TRIM6: variants seen among roughly 807,000 people sequenced by gnomAD.
The protein encoded by TRIM6 is tripartite motif-containing protein 6.
A neutral mutation model predicts 51.2 loss-of-function variants in TRIM6; 43 were observed. That is an observed-to-expected ratio of 0.84 (90% CI 0.66 to 1.08). The LOEUF is 1.08. Ranked by LOEUF, TRIM6 falls within the 50% of genes least tolerant of loss-of-function variation. The probability of loss-of-function intolerance (pLI) is 0.00; values close to 1 mark genes in which losing one functional copy is unlikely to be tolerated. For missense variants in TRIM6, 669 were observed against 619.0 expected (o/e 1.08, Z -0.86); for synonymous variants, 215 against 232.4 (o/e 0.93, Z 0.68).
Position 5,610,159 on chromosome 11 carries a change from C to T in TRIM6, c.872C>T (p.Thr291Ile). The T allele has an allele frequency of 6.2e-7, 1 of 1,614,050 alleles. No individual in the cohort carries two copies. The highest frequency in any genetic ancestry group is 8.5e-7 in the Non-Finnish European group (1 of 1,180,000). The change falls in exon 6 of 8, where the codon ACC (threonine) becomes ATC (isoleucine). Residue 291 changes from threonine to isoleucine, a missense_variant. Thr to Ile is a moderately conservative substitution (Grantham distance 89). Coordinates refer to ENST00000380097, the MANE Select transcript of TRIM6 (RefSeq NM_001003818.3). ...GTCCTTTCTAGGAGTGAGTTCTGGACCCTGAGGAAGCCAGAAGCTCTCCCT... is the reference window on the plus strand; with the variant it reads ...GTCCTTTCTAGGAGTGAGTTCTGGATCCTGAGGAAGCCAGAAGCTCTCCCT... Reference protein sequence around the residue: ...SDVTERSEFWTLRKPEALPTK... With the variant: ...SDVTERSEFWILRKPEALPTK...
Position 5,611,449 on chromosome 11 carries a change from T to G in TRIM6, c.*107T>G, listed in dbSNP as rs137855332. On this transcript the variant is annotated 3_prime_UTR_variant, in exon 8 of 8. Coordinates refer to ENST00000380097, the MANE Select transcript of TRIM6 (RefSeq NM_001003818.3). The stretch of plus-strand genomic sequence containing the variant: ...TCTGTGTTCTCAATTCTTTTGTTGT[T>G]TTTTGGTTTTTGAATCTTTTTTGAG... 3.9e-4 allele frequency: 422 copies of G among 1,080,962 alleles called. No homozygotes were observed. In the African/African-American group the frequency reaches 5.9e-3, roughly 15 times the overall value. 67.0% of individuals were successfully genotyped at this position (1,080,962 alleles called of 1,614,324 possible). A position where few individuals can be genotyped will look rare whatever the true frequency, so the allele number is the denominator to read the frequency against.
chr11:5,603,861 C>G, intron 2 of TRIM6, 126 bp downstream of exon 2: 1 of 1,443,806 alleles, frequency 6.9e-7, no homozygotes, highest in African/African-American at 1.4e-5. Context: ...TGGAAACTGC[C>G]TCCCTGATTA....
intron 1 of TRIM6, 145 bp from the exon 2 acceptor site, chr11:5,603,101 G>C (rs996856945): frequency 5.1e-6 from 7 of 1,377,040 alleles, no homozygotes; most frequent in Admixed American, 2.7e-5. Flanking sequence ...GTATGAGCCG[G>C]GATAAAGAAC....
At chr11:5,601,247 T>C (rs544803374) in intron 1 of TRIM6, among the ~76,000 whole-genome samples, 6 of 152,286 alleles carry the variant, frequency 3.9e-5, no homozygotes, top group South Asian at 2.1e-4. Context: ...AGTTATGAGT[T>C]TGAGGACGAA....
chr11:5,611,009 T>TA lies in TRIM6; in HGVS notation c.1219dup (p.Thr407AsnfsTer31). On this transcript the variant is annotated frameshift_variant, in exon 8 of 8. Transcript: ENST00000380097. LOFTEE classifies it low-confidence loss of function (END_TRUNC). ...GGGTATGCAGCAATTCACTGGGACC[T>TA]ACATTCTCTTTCAACCATTTTGCTC... 6.2e-7 allele frequency: 1 copy of TA among 1,614,152 alleles called. No homozygotes were observed.
At chr11:5,610,433 C>G (rs184802116) in intron 6 of TRIM6, 102 bp from the exon 7 acceptor site, 1 of 1,603,640 alleles carries the variant, frequency 6.2e-7, no homozygotes, top group Non-Finnish European at 8.5e-7. Context: ...GTGACATCCT[C>G]ACAGGATTCC....
intron 4 of TRIM6, among the ~76,000 whole-genome samples, chr11:5,606,115 G>A (rs1470470414): frequency 6.6e-6 from 1 of 152,206 alleles, no homozygotes; most frequent in African/African-American, 2.4e-5. Flanking sequence ...TTTGCCAAGT[G>A]CTTCTTACCC....
rs769648943 is a variant in TRIM6 at position 5,603,635 on chromosome 11, G to C, written c.407G>C (p.Cys136Ser). Residue 136 changes from cysteine (C) to serine (S), a missense_variant, in exon 2 of 8, where the codon TGT becomes TCT. Physicochemically the swap from Cys to Ser is moderately radical, Grantham distance 112 (BLOSUM62 -1). Transcript: ENST00000380097. ...CATGGAGAAAAACTGCAGCTCTTCT[G>C]TCAGGAGGATGGGAAGGTCATTTGC... Reference protein sequence around the residue: ...ADHGEKLQLFCQEDGKVICWL... With the variant: ...ADHGEKLQLFSQEDGKVICWL... 6.8e-6 allele frequency: 11 copies of C among 1,613,526 alleles called. No individual in the cohort carries two copies. The highest frequency in any genetic ancestry group is 7.6e-6 in the Non-Finnish European group (9 of 1,179,984).
At chr11:5,602,304 A>G (rs538964767) in intron 1 of TRIM6, among the ~76,000 whole-genome samples, 2 of 152,210 alleles carry the variant, frequency 1.3e-5, no homozygotes, top group South Asian at 2.1e-4. Flanking sequence ...TTAGCCGGAC[A>G]TAGTGGCAGG....
In TRIM6 at chr11:5,603,611, A is replaced by G. The variant is rs771769717; in HGVS notation, c.383A>G (p.His128Arg). The G allele has an allele frequency of 4.6e-5, 74 of 1,613,666 alleles. No homozygotes were observed. Among genetic ancestry groups the G allele is most frequent in the Non-Finnish European group, 5.6e-5 (66 of 1,179,994 alleles). The change falls in exon 2 of 8, where the codon CAT becomes CGT. Residue 128 changes from histidine to arginine, a missense_variant. By Grantham distance (29) the His-to-Arg change is conservative. Transcript: ENST00000380097. ...CTGAAAGCAGTTCTTTGTGCAGACC[A>G]TGGAGAAAAACTGCAGCTCTTCTGT... Reference protein sequence around the residue: ...KQLKAVLCADHGEKLQLFCQE... With the variant: ...KQLKAVLCADRGEKLQLFCQE...
rs377683783 is a variant in TRIM6, at chr11:5,596,855, G to A, written c.-43G>A. On this transcript the variant is annotated 5_prime_UTR_variant, in exon 1 of 8. Transcript: ENST00000380097. ...TTGCTCTGAAGAGCTTTGACCACCT[G>A]ATATTGCTTACATCTGGAACTTCTT... is the stretch of plus-strand genomic sequence containing the variant. The A allele has an allele frequency of 3.8e-5, 62 of 1,613,738 alleles. No homozygotes were observed. The African/African-American group carries it at 7.3e-4, about 19-fold the overall frequency.
Position 5,612,744 on chromosome 11 carries a change from A to G in TRIM6, c.*1402A>G, listed in dbSNP as rs909525282. ...ATGAGAATGGCACTGGCTGTCCCAT[A>G]TGGTATCCAGGAGCCACCAATGTCT... On this transcript the variant is annotated 3_prime_UTR_variant, in exon 8 of 8. Coordinates refer to ENST00000380097, the MANE Select transcript of TRIM6 (RefSeq NM_001003818.3). 1 of 152,206 alleles carries G rather than the reference A, an allele frequency of 6.6e-6. No individual in the cohort carries two copies. The allele number at this position is 152,206 out of a possible 1,614,324, so 9.4% of individuals were successfully genotyped here.
At chr11:5,596,334 G>C (rs987011872), upstream of TRIM6, among the ~76,000 whole-genome samples, 2 of 152,134 alleles carry the variant, frequency 1.3e-5, no homozygotes, top group African/African-American at 4.8e-5. Flanking sequence ...AGTTTGGGAA[G>C]GGAGCACAGA....
intron 4 of TRIM6, among the ~76,000 whole-genome samples, chr11:5,607,433 G>T (rs578251398): frequency 2.6e-5 from 4 of 152,276 alleles, no homozygotes; most frequent in African/African-American, 9.6e-5. Context: ...TCTATGAAAT[G>T]CCACCATAAA....
rs1222466265 is a variant in TRIM6 at position 5,612,104 on chromosome 11, T to C, written c.*762T>C. On this transcript the variant is annotated 3_prime_UTR_variant, in exon 8 of 8. Coordinates refer to ENST00000380097, the MANE Select transcript of TRIM6 (RefSeq NM_001003818.3). ...AACTTGCTGAAATACACCATTATTA[T>C]TTGTTGTATGCAATACTGGATTTAT... 6.6e-6 allele frequency: 1 copy of C among 152,230 alleles called. No individual in the cohort carries two copies. The highest frequency in any genetic ancestry group is 1.5e-5 in the Non-Finnish European group (1 of 68,042). The allele number at this position is 152,230 out of a possible 1,614,324, so 9.4% of individuals were successfully genotyped here. A position where few individuals can be genotyped will look rare whatever the true frequency, so the allele number is the denominator to read the frequency against.
At chr11:5,602,458 A>G (rs2133828855) in intron 1 of TRIM6, among the ~76,000 whole-genome samples, 1 of 151,608 alleles carries the variant, frequency 6.6e-6, no homozygotes, top group South Asian at 2.1e-4. Flanking sequence ...GAATATGTGG[A>G]GAGTGATTGT....
intron 7 of TRIM6, 76 bp from the exon 8 acceptor site, chr11:5,610,700 TC>T: frequency 1.9e-6 from 3 of 1,574,810 alleles, no homozygotes; most frequent in Non-Finnish European, 1.7e-6. Flanking sequence ...TCCAACCACT[TC>T]CTGTGTTTCC....
In TRIM6 at chr11:5,611,514, C is replaced by T. The variant is rs1247773625; in HGVS notation, c.*172C>T. ...TGTCGCCCAGGCTGGAGTGCACTGGCGCAATCTCGGCTCACTGCAACCTCT... is the reference window on the plus strand; with the variant it reads ...TGTCGCCCAGGCTGGAGTGCACTGGTGCAATCTCGGCTCACTGCAACCTCT... On this transcript the variant is annotated 3_prime_UTR_variant, in exon 8 of 8. Transcript: ENST00000380097. 13 of 618,052 alleles carry T rather than the reference C, an allele frequency of 2.1e-5. No individual in the cohort carries two copies. Among genetic ancestry groups the T allele is most frequent in the East Asian group, 8.5e-5 (3 of 35,300 alleles). The allele number at this position is 618,052 out of a possible 1,614,324, so 38.3% of individuals were successfully genotyped here.
chr11:5,596,352 C>T (rs577908525), upstream of TRIM6, among the ~76,000 whole-genome samples: 3 of 152,054 alleles, frequency 2.0e-5, no homozygotes, highest in Non-Finnish European at 4.4e-5. Flanking sequence ...AGAAGAGGCA[C>T]CTTTGCAGCT....
Sources: gnomAD v4.1 joint callset for allele counts (sites outside exome capture counted in the v4.1 genomes callset) on GRCh38, gnomAD v4.1.1 for gene constraint, MANE v1.5 for transcripts, NCBI Gene and HGNC (gene_info 2026-07-23, HGNC 2026-07-21) for gene names.